Variants in STK32C observed in about 807,000 individuals in gnomAD.
STK32C encodes the protein serine/threonine kinase 32C.
In STK32C, 31 loss-of-function variants were observed where a neutral mutation model predicts 56.5. The observed-to-expected ratio is 0.55, with a 90% CI of 0.41 to 0.74. The LOEUF (loss-of-function observed/expected upper bound fraction) is 0.74, where lower values mean the gene tolerates loss of function less well. Ranked by LOEUF, STK32C falls within the 30% of genes least tolerant of loss-of-function variation. The probability of loss-of-function intolerance (pLI) is 0.00; values close to 1 mark genes in which losing one functional copy is unlikely to be tolerated. For synonymous variants in STK32C, 309 were observed against 289.4 expected (o/e 1.07, Z -0.69); for missense variants, 544 against 676.9 (o/e 0.80, Z 2.18).
rs534437982 is a variant in STK32C, at chr10:132,207,646, G to A, written c.*364C>T. ...CGAGCCTGGGGCACCCGCGGCCTGT[G>A]CTGCAAGGGTCACCTTGTGACGAGG... On this transcript the variant is annotated 3_prime_UTR_variant, in exon 12 of 12. Transcript: ENST00000298630. 9.2e-5 allele frequency: 19 copies of A among 207,056 alleles called. No individual in the cohort carries two copies. Among genetic ancestry groups the A allele is most frequent in the African/African-American group, 4.3e-4 (19 of 43,774 alleles). The allele number at this position is 207,056 out of a possible 1,614,324, so 12.8% of individuals were successfully genotyped here. A position where few individuals can be genotyped will look rare whatever the true frequency, so the allele number is the denominator to read the frequency against.
At chr10:132,305,402 T>G (rs6560689) in intron 1 of STK32C, among the ~76,000 whole-genome samples, 44 of 152,358 alleles carry the variant, frequency 2.9e-4, no homozygotes, top group African/African-American at 6.5e-4. Flanking sequence ...TTTTTCCTTT[T>G]CTCTGCATAC....
intron 1 of STK32C, among the ~76,000 whole-genome samples, chr10:132,253,002 C>T (rs149336386): frequency 7.4e-4 from 112 of 152,308 alleles, no homozygotes; most frequent in African/African-American, 2.5e-3. Flanking sequence ...TAGCTGGGGT[C>T]TCAGTCCCTG....
intron 2 of STK32C, among the ~76,000 whole-genome samples, chr10:132,232,428 G>A (rs1255581472): frequency 6.6e-6 from 1 of 152,186 alleles, no homozygotes; most frequent in Non-Finnish European, 1.5e-5. Context: ...AAAGCCCTGG[G>A]TTTGGTGCAG....
chr10:132,287,645 G>T (rs1590400110), intron 1 of STK32C, among the ~76,000 whole-genome samples: 4 of 151,682 alleles, frequency 2.6e-5, no homozygotes, highest in African/African-American at 9.7e-5. Flanking sequence ...TAGAGACGGG[G>T]TTTCACCATG....
rs1488127540 is a variant in STK32C at position 132,330,561 on chromosome 10, T to G, written c.301+875A>C. 19 of 713,634 alleles carry G rather than the reference T, an allele frequency of 2.7e-5. No individual in the cohort carries two copies. The East Asian group carries it at 5.1e-4, about 19-fold the overall frequency. 44.2% of individuals were successfully genotyped at this position (713,634 alleles called of 1,614,324 possible). ...GTCTCGCTGTCACCGAAGCTGACAT[T>G]AAGTGGCACAATCATAACTCACTGC... On this transcript the variant is annotated intron_variant, in intron 1 of 1. Transcript: ENST00000368619.
chr10:132,296,402 C>T (rs192517519), intron 1 of STK32C, among the ~76,000 whole-genome samples: 45 of 152,068 alleles, frequency 3.0e-4, no homozygotes, highest in Admixed American at 2.4e-3. Context: ...CCTCTAGTTA[C>T]GACAAATGTA....
At chr10:132,284,802 A>G (rs1294824545) in intron 1 of STK32C, among the ~76,000 whole-genome samples, 3 of 127,724 alleles carry the variant, frequency 2.3e-5, no homozygotes, top group African/African-American at 2.9e-5. Flanking sequence ...TGAACCCAGA[A>G]CACATTCCCA....
chr10:132,256,075 G>A (rs2064111235), intron 1 of STK32C, among the ~76,000 whole-genome samples: 1 of 152,198 alleles, frequency 6.6e-6, no homozygotes, highest in African/African-American at 2.4e-5. Context: ...AGCCAACTGG[G>A]GTCTTACTCT....
Position 132,307,903 on chromosome 10 carries a change from T to TGGTAGCGGGAGCGCTCGGGGCCGGCAGC in STK32C, c.-98_-71dup. 9.0e-7 allele frequency: 1 copy of TGGTAGCGGGAGCGCTCGGGGCCGGCAGC among 1,111,006 alleles called. No individual in the cohort carries two copies. Among genetic ancestry groups the TGGTAGCGGGAGCGCTCGGGGCCGGCAGC allele is most frequent in the Non-Finnish European group, 1.1e-6 (1 of 908,446 alleles). The allele number at this position is 1,111,006 out of a possible 1,614,324, so 68.8% of individuals were successfully genotyped here. On this transcript the variant is annotated 5_prime_UTR_variant, in exon 1 of 12. Coordinates refer to ENST00000298630, the MANE Select transcript of STK32C (RefSeq NM_173575.4). The surrounding 1 kb of genome is among the most constrained non-coding windows in gnomAD (Gnocchi z 4.4). ...CGGCCGGCAGGGCCGGGAGCGGCAGTGGTAGCGGGAGCGCTCGGGGCCGGC... is the reference window on the plus strand; with the variant it reads ...CGGCCGGCAGGGCCGGGAGCGGCAGTGGTAGCGGGAGCGCTCGGGGCCGGCAGCGGTAGCGGGAGCGCTCGGGGCCGGC...
At chr10:132,214,246 A>G (rs142293754) in intron 10 of STK32C, among the ~76,000 whole-genome samples, 140 of 147,944 alleles carry the variant, frequency 9.5e-4, no homozygotes, top group Middle Eastern at 7.1e-3. Flanking sequence ...CCAAAGACAG[A>G]GAAAATCTTG....
At chr10:132,293,402 C>G (rs2065632130) in intron 1 of STK32C, among the ~76,000 whole-genome samples, 1 of 152,266 alleles carries the variant, frequency 6.6e-6, no homozygotes, top group Non-Finnish European at 1.5e-5. Context: ...TTCTCCCACT[C>G]CAGCCCCTGG....
chr10:132,208,207 G>T, intron 11 of STK32C, 56 bp from the exon 12 acceptor site: 1 of 1,289,520 alleles, frequency 7.8e-7, no homozygotes, highest in East Asian at 2.9e-5. Flanking sequence ...TGGCCTCACG[G>T]TCCCATGACC....
chr10:132,297,893 C>G (rs2065803058), intron 1 of STK32C, among the ~76,000 whole-genome samples: 1 of 152,218 alleles, frequency 6.6e-6, no homozygotes, highest in Non-Finnish European at 1.5e-5. Flanking sequence ...TGTTTGTTCT[C>G]AAGTACAAAC....
chr10:132,221,499 G>A (rs888423640), intron 10 of STK32C, among the ~76,000 whole-genome samples: 1 of 142,224 alleles, frequency 7.0e-6, no homozygotes, highest in African/African-American at 2.7e-5. Context: ...GCTTCACGTG[G>A]CCATCCCTGC....
At chr10:132,308,904 C>A (rs544118884), upstream of STK32C, among the ~76,000 whole-genome samples, 1 of 152,202 alleles carries the variant, frequency 6.6e-6, no homozygotes, top group Non-Finnish European at 1.5e-5. Flanking sequence ...GGAGCCTCGC[C>A]GCCTGCCCCT....
intron 1 of STK32C, among the ~76,000 whole-genome samples, chr10:132,293,870 G>A (rs2065649087): frequency 1.3e-5 from 2 of 152,226 alleles, no homozygotes; most frequent in African/African-American, 2.4e-5. Context: ...GGACGCAGAA[G>A]GAGCCAGGGC....
At chr10:132,242,540 C>CG (rs1422253834) in intron 2 of STK32C, among the ~76,000 whole-genome samples, 55 of 152,010 alleles carry the variant, frequency 3.6e-4, no homozygotes, top group Non-Finnish European at 6.6e-4. Flanking sequence ...GACCCTCCCC[C>CG]GGGAGAGGGG....
At chr10:132,271,293 C>T (rs2064812991) in intron 1 of STK32C, among the ~76,000 whole-genome samples, 1 of 151,996 alleles carries the variant, frequency 6.6e-6, no homozygotes, top group Admixed American at 6.5e-5. Flanking sequence ...AAGCAGGCAG[C>T]CCTACAGCAA....
intron 1 of STK32C, among the ~76,000 whole-genome samples, chr10:132,279,035 T>A (rs1318607579): frequency 1.3e-5 from 2 of 152,028 alleles, no homozygotes; most frequent in Non-Finnish European, 2.9e-5. Context: ...CAGTTGCCCA[T>A]ATACCATGCA....
Sources: allele counts gnomAD v4.1 joint callset (sites outside exome capture counted in the v4.1 genomes callset), GRCh38; gene constraint gnomAD v4.1.1; non-coding constraint Gnocchi (gnomAD v3.1); transcripts MANE v1.5; gene names NCBI Gene and HGNC (gene_info 2026-07-23, HGNC 2026-07-21).